Variants in ODAD2 observed in about 807,000 individuals in gnomAD.
ODAD2 encodes the protein outer dynein arm docking complex subunit 2, also known as outer dynein arm-docking complex subunit 2.
ODAD2 carries 89 observed loss-of-function variants against 106.8 expected under a neutral mutation model. The ratio of observed to expected loss-of-function variants is 0.83; its 90% CI spans 0.70 to 0.99. ODAD2 has a LOEUF of 0.99. ODAD2 is among the 50% of genes least tolerant of loss of function. The probability of loss-of-function intolerance (pLI) is 0.00; values close to 1 mark genes in which losing one functional copy is unlikely to be tolerated. For missense variants in ODAD2, 1,168 were observed against 1,238.5 expected (o/e 0.94, Z 0.85); for synonymous variants, 404 against 436.2 (o/e 0.93, Z 0.92).
At chr10:27,958,899 A>G (rs868015653) in intron 10 of ODAD2, 45 of 1,303,840 alleles carry the variant, frequency 3.5e-5, no homozygotes, top group East Asian at 1.1e-4. Context: ...GTCAAAGATC[A>G]TGCTTCTAAT....
intron 9 of ODAD2, among the ~76,000 whole-genome samples, chr10:27,967,452 C>T (rs1848554846): frequency 6.6e-6 from 1 of 152,228 alleles, no homozygotes; most frequent in Non-Finnish European, 1.5e-5. Flanking sequence ...CCACTACCCT[C>T]CAGAAATAAT....
At chr10:27,993,652 GA>G (rs889381787) in intron 2 of ODAD2, among the ~76,000 whole-genome samples, 5 of 150,316 alleles carry the variant, frequency 3.3e-5, no homozygotes, top group Non-Finnish European at 4.4e-5. Context: ...TCTGTCTCCA[GA>G]AAAAAAAATA....
intron 17 of ODAD2, among the ~76,000 whole-genome samples, chr10:27,886,293 A>G (rs2133648594): frequency 6.6e-6 from 1 of 152,114 alleles, no homozygotes; most frequent in South Asian, 2.1e-4. Context: ...CATGTCATGT[A>G]CAAGGGATCT....
At chr10:27,844,642 T>C (rs970271730) in intron 19 of ODAD2, among the ~76,000 whole-genome samples, 2 of 152,184 alleles carry the variant, frequency 1.3e-5, no homozygotes. Context: ...ACTAAGATAA[T>C]AAGTTTCCAA....
intron 10 of ODAD2, among the ~76,000 whole-genome samples, chr10:27,956,169 G>T (rs1022324918): frequency 2.0e-5 from 3 of 152,120 alleles, no homozygotes; most frequent in African/African-American, 7.2e-5. Flanking sequence ...GAATGTGTAG[G>T]AATGGCCATC....
intron 19 of ODAD2, among the ~76,000 whole-genome samples, chr10:27,838,630 G>A (rs1838079339): frequency 6.6e-6 from 1 of 152,208 alleles, no homozygotes; most frequent in Admixed American, 6.5e-5. Context: ...ACGAAATATA[G>A]ATGAAAGATG....
intron 9 of ODAD2, among the ~76,000 whole-genome samples, chr10:27,965,498 C>T (rs941331216): frequency 2.0e-5 from 3 of 152,104 alleles, no homozygotes; most frequent in African/African-American, 7.2e-5. Flanking sequence ...AAGAATGATT[C>T]ATTTGGGCTA....
At chr10:27,905,529 A>G (rs1432336926) in intron 17 of ODAD2, among the ~76,000 whole-genome samples, 1 of 152,226 alleles carries the variant, frequency 6.6e-6, no homozygotes, top group African/African-American at 2.4e-5. Context: ...TAAATTTCAT[A>G]TGGAACCAAA....
Position 27,941,256 on chromosome 10 carries a change from G to A in ODAD2, c.1744-451C>T, listed in dbSNP as rs140152614. On this transcript the variant is annotated intron_variant, in intron 12 of 19. Coordinates refer to ENST00000305242, the MANE Select transcript of ODAD2 (RefSeq NM_018076.5). ...CACAACACTTTAGGAGCTCGAGGTG[G>A]GAGGATCACTTGAGGCCAGGAATTA... Among the ~76,000 whole-genome samples the A allele has an allele frequency of 4.7e-3, 714 of 152,018 alleles. 2 individuals are homozygous for A. Among genetic ancestry groups the A allele is most frequent in the Non-Finnish European group, 7.9e-3 (537 of 67,994 alleles).
At chr10:27,879,457 T>C (rs1418696341) in intron 17 of ODAD2, among the ~76,000 whole-genome samples, 1 of 151,616 alleles carries the variant, frequency 6.6e-6, no homozygotes, top group African/African-American at 2.4e-5. Context: ...TAATTTAAAA[T>C]GTATATATAT....
intron 19 of ODAD2, 74 bp from the exon 20 acceptor site, chr10:27,812,699 G>A: frequency 6.8e-7 from 1 of 1,465,088 alleles, no homozygotes; most frequent in Non-Finnish European, 9.0e-7. Context: ...GTTAGGCTAG[G>A]AAAATAATTT....
At position 27,961,635 on chromosome 10, in the gene ODAD2, C is replaced by T. The variant is rs762541691; in HGVS notation, c.1319G>A (p.Arg440His). The change falls in exon 10 of 20, where the codon CGT (arginine) becomes CAT (histidine). Residue 440 changes from arginine (R) to histidine (H), a missense_variant. By Grantham distance (29) the Arg-to-His change is conservative (BLOSUM62 0). Transcript: ENST00000305242. ...TGGCAAATCTGCACTTGCTTCCTGA[C>T]GATGGTCAGGTGGTTCTTCATCTTC... The part of the protein sequence containing the change: ...SEEDEEPPDH[R>H]QEASADLPSE... 3.2e-5 allele frequency: 51 copies of T among 1,610,992 alleles called. No homozygotes were observed. Among genetic ancestry groups the T allele is most frequent in the East Asian group, 6.7e-5 (3 of 44,878 alleles).
intron 19 of ODAD2, among the ~76,000 whole-genome samples, chr10:27,834,750 G>A (rs548662557): frequency 1.7e-4 from 26 of 152,292 alleles, no homozygotes; most frequent in African/African-American, 6.3e-4. Context: ...GGCTTGATTA[G>A]GGTAAATACA....
chr10:27,986,115 G>A (rs1003351174), intron 3 of ODAD2, among the ~76,000 whole-genome samples: 6 of 152,098 alleles, frequency 3.9e-5, no homozygotes, highest in African/African-American at 1.4e-4. Context: ...ATATGCCAAG[G>A]CCTTAAGGCT....
chr10:27,856,100 G>C (rs1013752088), intron 19 of ODAD2, among the ~76,000 whole-genome samples: 3 of 152,174 alleles, frequency 2.0e-5, no homozygotes, highest in Admixed American at 6.5e-5. Flanking sequence ...CAAATAACTT[G>C]GATATCTCTT....
chr10:27,836,718 G>T (rs1220812229), intron 19 of ODAD2, among the ~76,000 whole-genome samples: 1 of 151,868 alleles, frequency 6.6e-6, no homozygotes, highest in Non-Finnish European at 1.5e-5. Context: ...GGATTTCAAG[G>T]AATACGAAAA....
intron 17 of ODAD2, among the ~76,000 whole-genome samples, chr10:27,870,383 C>A (rs1840773422): frequency 6.6e-6 from 1 of 151,944 alleles, no homozygotes; most frequent in Admixed American, 6.6e-5. Flanking sequence ...ACTTTAAGTT[C>A]TAGGGTACAT....
At chr10:27,954,126 A>T (rs1468528041) in intron 10 of ODAD2, among the ~76,000 whole-genome samples, 1 of 152,112 alleles carries the variant, frequency 6.6e-6, no homozygotes, top group Non-Finnish European at 1.5e-5. Flanking sequence ...TCACTCCTCA[A>T]CTCATATATT....
chr10:27,976,414 G>A (rs1209803707), intron 7 of ODAD2, among the ~76,000 whole-genome samples: 1 of 151,968 alleles, frequency 6.6e-6, no homozygotes, highest in African/African-American at 2.4e-5. Context: ...CAAAATTTCA[G>A]GATATAAAAT....
Sources: allele counts gnomAD v4.1 joint callset (sites outside exome capture counted in the v4.1 genomes callset), GRCh38; gene constraint gnomAD v4.1.1; transcripts MANE v1.5; gene names NCBI Gene and HGNC (gene_info 2026-07-23, HGNC 2026-07-21).